Variants in PIK3CA observed in about 807,000 individuals in gnomAD.
PIK3CA encodes phosphatidylinositol-4,5-bisphosphate 3-kinase catalytic subunit alpha, also known as phosphatidylinositol 4,5-bisphosphate 3-kinase catalytic subunit alpha isoform.
PIK3CA carries 27 observed loss-of-function variants against 138.2 expected under a neutral mutation model. The ratio of observed to expected loss-of-function variants is 0.20; its 90% CI spans 0.14 to 0.27. The LOEUF (loss-of-function observed/expected upper bound fraction) is 0.27. PIK3CA is among the 10% of genes least tolerant of loss of function. The probability of loss-of-function intolerance (pLI) is 1.00; values close to 1 mark genes in which losing one functional copy is unlikely to be tolerated. For missense variants in PIK3CA, 544 were observed against 1,277.4 expected (o/e 0.43, Z 8.75); for synonymous variants, 358 against 413.2 (o/e 0.87, Z 1.62).
At chr3:179,190,412 A>G (rs113242889) in intron 1 of PIK3CA, among the ~76,000 whole-genome samples, 7,758 of 150,534 alleles carry the variant, frequency 0.052, 220 homozygotes, top group Admixed American at 0.063. Flanking sequence ...ATGTTGAGGT[A>G]CAGTTATAGA....
chr3:179,232,352 A>G (rs146764419), intron 20 of PIK3CA, among the ~76,000 whole-genome samples: 3,292 of 152,226 alleles, frequency 0.022, 115 homozygotes, highest in Admixed American at 0.11. Context: ...TCCCACCACC[A>G]TTTATTAAAC....
chr3:179,218,933 T>TC (rs1724903751), intron 10 of PIK3CA, among the ~76,000 whole-genome samples: 1 of 152,082 alleles, frequency 6.6e-6, no homozygotes, highest in African/African-American at 2.4e-5. Flanking sequence ...TCATAATTTT[T>TC]CTTAACTGTT....
At chr3:179,166,296 A>G (rs1723418296) in intron 1 of PIK3CA, among the ~76,000 whole-genome samples, 1 of 152,212 alleles carries the variant, frequency 6.6e-6, no homozygotes, top group South Asian at 2.1e-4. Context: ...GTCTTTACAG[A>G]AAAGATAGAG....
chr3:179,171,403 T>C (rs1170736135), intron 1 of PIK3CA, among the ~76,000 whole-genome samples: 1 of 151,612 alleles, frequency 6.6e-6, no homozygotes, highest in Non-Finnish European at 1.5e-5. Context: ...AAAGAAAGAG[T>C]AAAGTGTACC....
chr3:179,185,482 T>G (rs146025945), intron 1 of PIK3CA, among the ~76,000 whole-genome samples: 4 of 152,326 alleles, frequency 2.6e-5, no homozygotes, highest in African/African-American at 9.6e-5. Flanking sequence ...CTGCCGCAGA[T>G]TCTTCAATAG....
At chr3:179,184,297 C>T (rs1723919887) in intron 1 of PIK3CA, among the ~76,000 whole-genome samples, 1 of 152,184 alleles carries the variant, frequency 6.6e-6, no homozygotes, top group African/African-American at 2.4e-5. Flanking sequence ...AAAATATTGT[C>T]CTTGCAACAG....
At chr3:179,173,268 A>G (rs1723605567) in intron 1 of PIK3CA, among the ~76,000 whole-genome samples, 1 of 151,952 alleles carries the variant, frequency 6.6e-6, no homozygotes, top group Non-Finnish European at 1.5e-5. Context: ...TCTTTTCAAA[A>G]AAAAGAAAGG....
upstream of PIK3CA, chr3:179,148,326 C>G (rs1165661384): frequency 6.6e-6 from 1 of 151,590 alleles, no homozygotes; most frequent in African/African-American, 2.4e-5. Flanking sequence ...CGGGGGCTAG[C>G]GAGGAGAGGG....
At chr3:179,204,902 T>C (rs1239948037) in intron 6 of PIK3CA, among the ~76,000 whole-genome samples, 1 of 151,276 alleles carries the variant, frequency 6.6e-6, no homozygotes, top group Non-Finnish European at 1.5e-5. Flanking sequence ...GCACCTGTAA[T>C]CCCAGCTACT....
At chr3:179,207,622 T>C (rs1164382138) in intron 6 of PIK3CA, among the ~76,000 whole-genome samples, 1 of 151,502 alleles carries the variant, frequency 6.6e-6, no homozygotes, top group African/African-American at 2.4e-5. Context: ...CTCGACTCAC[T>C]GCAACCTCTG....
intron 18 of PIK3CA, 109 bp from the exon 19 acceptor site, chr3:179,229,895 A>G: frequency 1.5e-6 from 1 of 655,146 alleles, no homozygotes; most frequent in Non-Finnish European, 2.6e-6. Context: ...ATTCGTTGTC[A>G]GTGATTGTTT....
At chr3:179,178,261 C>CAA (rs60887179) in intron 1 of PIK3CA, among the ~76,000 whole-genome samples, 3,345 of 79,816 alleles carry the variant, frequency 0.042, 90 homozygotes, top group Middle Eastern at 0.2. Context: ...CTCTAAAGAT[C>CAA]AAAAAAAAAA....
chr3:179,184,605 T>C (rs1190934225), intron 1 of PIK3CA, among the ~76,000 whole-genome samples: 1 of 152,190 alleles, frequency 6.6e-6, no homozygotes, highest in African/African-American at 2.4e-5. Flanking sequence ...CTGTGAAACA[T>C]ATGTGGATGC....
rs1198009290 is a variant in PIK3CA at position 179,158,020 on chromosome 3, T to C, written c.-77+9417T>C. Among the ~76,000 whole-genome samples, 3 of 152,058 alleles carry C rather than the reference T, an allele frequency of 2.0e-5. No homozygotes were observed. The East Asian group carries it at 5.8e-4, about 29-fold the overall frequency. On this transcript the variant is annotated intron_variant, in intron 1 of 20. Coordinates refer to ENST00000263967, the MANE Select transcript of PIK3CA (RefSeq NM_006218.4). ...ACTCAGTAAGTATCTGTGAACTCCT[T>C]GAGAGTAAGAACCATGTTACATTCA...
chr3:179,233,888 T>C (rs138311947), intron 20 of PIK3CA, among the ~76,000 whole-genome samples: 1 of 152,136 alleles, frequency 6.6e-6, no homozygotes, highest in Non-Finnish European at 1.5e-5. Flanking sequence ...TAAAGCAGTT[T>C]TTAAAAAGTC....
intron 9 of PIK3CA, among the ~76,000 whole-genome samples, chr3:179,213,552 C>T (rs912993707): frequency 2.0e-5 from 3 of 152,176 alleles, no homozygotes; most frequent in East Asian, 3.8e-4. Context: ...TTCTTTAAGA[C>T]GACAGTGAAG....
chr3:179,239,881 C>T lies in PIK3CA; in HGVS notation c.*5517C>T, dbSNP rs1725405986. 1.6e-6 allele frequency: 1 copy of T among 626,846 alleles called. No individual in the cohort carries two copies. The highest frequency in any genetic ancestry group is 1.9e-5 in the African/African-American group (1 of 52,328). 38.8% of individuals were successfully genotyped at this position (626,846 alleles called of 1,614,324 possible). A position where few individuals can be genotyped will look rare whatever the true frequency, so the allele number is the denominator to read the frequency against. ...ATGATGGCCCAGAAAGCATTTGACA[C>T]AGCAAGATGCATGTGTTACTATATT... On this transcript the variant is annotated 3_prime_UTR_variant, in exon 21 of 21. Coordinates refer to ENST00000263967, the MANE Select transcript of PIK3CA (RefSeq NM_006218.4).
intron 1 of PIK3CA, among the ~76,000 whole-genome samples, chr3:179,152,408 A>C (rs1310367515): frequency 1.3e-5 from 2 of 152,194 alleles, no homozygotes; most frequent in African/African-American, 4.8e-5. Flanking sequence ...GAGGTGCTCT[A>C]CATGGTTCTC....
At chr3:179,212,156 C>T (rs553048938) in intron 9 of PIK3CA, among the ~76,000 whole-genome samples, 32 of 151,768 alleles carry the variant, frequency 2.1e-4, no homozygotes, top group African/African-American at 2.7e-4. Flanking sequence ...TACAGGCATG[C>T]GCCACCATGC....
Sources: gnomAD v4.1 joint callset for allele counts (sites outside exome capture counted in the v4.1 genomes callset) on GRCh38, gnomAD v4.1.1 for gene constraint, MANE v1.5 for transcripts, NCBI Gene and HGNC (gene_info 2026-07-23, HGNC 2026-07-21) for gene names.